Variants in ELP5 observed in about 807,000 individuals in gnomAD.
ELP5 encodes the protein elongator complex protein 5.
A neutral mutation model predicts 33.4 loss-of-function variants in ELP5; 34 were observed. That is an observed-to-expected ratio of 1.02 (90% CI 0.78 to 1.36). ELP5 has a LOEUF of 1.36. Among genes scored for constraint, ELP5 ranks in the 40% most tolerant of loss-of-function variants. The probability of loss-of-function intolerance (pLI) is 0.00; values close to 1 mark genes in which losing one functional copy is unlikely to be tolerated. For missense variants in ELP5, 373 were observed against 371.7 expected, an observed-to-expected ratio of 1.00 and a Z score of -0.03; for synonymous variants, 161 against 146.4, an observed-to-expected ratio of 1.10 and a Z score of -0.72.
In ELP5 at chr17:7,252,980, ACT is replaced by A. The variant is rs758823946; in HGVS notation, c.173_174del (p.Ser58Ter). The A allele has an allele frequency of 5.0e-6, 8 of 1,613,970 alleles. No homozygotes were observed. The Admixed American group carries it at 1.2e-4, about 24-fold the overall frequency. On this transcript the variant is annotated frameshift_variant, in exon 3 of 8. Transcript: ENST00000396628. LOFTEE classifies it high-confidence loss of function. ...GAGGAAGAGTTTCGTGAAGGTTTTG[ACT>A]CTGATATCAACAATCGGTAAGTACC...
Position 7,254,664 on chromosome 17 carries a change from C to T in ELP5, c.270C>T (p.Ala90=). Residue 90 remains alanine (A), a synonymous_variant, in exon 4 of 8, where the codon GCC becomes GCT. Transcript: ENST00000396628. The stretch of plus-strand genomic sequence containing the variant: ...CCTTTCCTGGGGGGCCGCTGGGAGC[C>T]TTGAGAGCCATGTGCAAGAGGACAG... ...EEAFPGGPLG[A]LRAMCKRTDP... 1 of 1,614,138 alleles carries T rather than the reference C, an allele frequency of 6.2e-7. No homozygotes were observed. The highest frequency in any genetic ancestry group is 8.5e-7 in the Non-Finnish European group (1 of 1,180,010).
chr17:7,258,976 G>A, intron 7 of ELP5, 50 bp downstream of exon 7: 1 of 1,612,300 alleles, frequency 6.2e-7, no homozygotes, highest in Non-Finnish European at 8.5e-7. Context: ...CCCAGCATCT[G>A]GGCCATGGAG....
chr17:7,254,939 GTTTTTTTTT>G (rs5819150), intron 4 of ELP5, 136 bp downstream of exon 4: 1 of 483,108 alleles, frequency 2.1e-6, no homozygotes, highest in African/African-American at 2.2e-5. Context: ...TTTTTTGTCT[GTTTTTTTTT>G]TTTTTTACTT....
At chr17:7,253,718 G>T (rs1353698409) in intron 3 of ELP5, among the ~76,000 whole-genome samples, 1 of 152,206 alleles carries the variant, frequency 6.6e-6, no homozygotes, top group Admixed American at 6.5e-5. Flanking sequence ...TTCCATGGCT[G>T]GGCGCGGTGG....
intron 4 of ELP5, among the ~76,000 whole-genome samples, chr17:7,256,175 A>C (rs1349631766): frequency 6.6e-6 from 1 of 151,658 alleles, no homozygotes; most frequent in East Asian, 1.9e-4. Context: ...AGATGCTGAA[A>C]CCCCGTCTCT....
intron 4 of ELP5, among the ~76,000 whole-genome samples, chr17:7,256,452 G>A (rs920795838): frequency 1.3e-5 from 2 of 152,242 alleles, no homozygotes; most frequent in Non-Finnish European, 2.9e-5. Context: ...GTTTAGCATA[G>A]TACCTGACAC....
chr17:7,254,906 A>C, intron 4 of ELP5, 103 bp downstream of exon 4: 1 of 900,548 alleles, frequency 1.1e-6, no homozygotes, highest in African/African-American at 1.8e-5. Flanking sequence ...TTCTCCAGTC[A>C]GACCTTTTTT....
rs1481639936 is a variant in ELP5 at position 7,256,874 on chromosome 17, G to A, written c.427G>A (p.Gly143Arg). 3.1e-6 allele frequency: 5 copies of A among 1,614,068 alleles called. No individual in the cohort carries two copies. In the African/African-American group the frequency reaches 4.0e-5, roughly 13 times the overall value. ...TCCTCTAGGTGACAGCTCCTCAGTG[G>A]GGAAAGTGAGTGTGCTGGGCTTGCT... ...DSCPGDSSSV[G>R]KVSVLGLLHE... Residue 143 changes from glycine (G) to arginine (R), a missense_variant, in exon 5 of 8, where the codon GGG becomes AGG. Coordinates refer to ENST00000396628, the MANE Select transcript of ELP5 (RefSeq NM_203414.3).
rs2072036741 is a variant in ELP5, at chr17:7,254,774, A to G, written c.380A>G (p.His127Arg). ...LPCTTLCQVLHAVSHQDSCPG... is the reference protein window; with the variant it reads ...LPCTTLCQVLRAVSHQDSCPG... ...TGCACCACACTCTGCCAGGTCCTGC[A>G]TGCTGTGAGCCATCAGGACTCTTGT... is the stretch of plus-strand genomic sequence containing the variant. The change falls in exon 4 of 8, where the codon CAT becomes CGT. Residue 127 changes from histidine to arginine, a missense_variant. Coordinates refer to ENST00000396628, the MANE Select transcript of ELP5 (RefSeq NM_203414.3). The G allele has an allele frequency of 1.9e-6, 3 of 1,614,146 alleles. No homozygotes were observed. The highest frequency in any genetic ancestry group is 1.6e-4 in the Middle Eastern group (1 of 6,062).
chr17:7,256,171 T>A (rs541851094), intron 4 of ELP5, among the ~76,000 whole-genome samples: 1 of 152,182 alleles, frequency 6.6e-6, no homozygotes, highest in South Asian at 2.1e-4. Context: ...GCCAAGATGC[T>A]GAAACCCCGT....
At chr17:7,257,803 C>T (rs1406860482) in intron 5 of ELP5, among the ~76,000 whole-genome samples, 1 of 152,216 alleles carries the variant, frequency 6.6e-6, no homozygotes, top group Non-Finnish European at 1.5e-5. Context: ...GGCGAGGTGG[C>T]TCAGGCCCAT....
rs914042235 is a variant in ELP5 at position 7,252,359 on chromosome 17, C to T, written c.-192C>T. The T allele has an allele frequency of 3.8e-6, 3 of 797,730 alleles. No homozygotes were observed. The highest frequency in any genetic ancestry group is 2.1e-5 in the Admixed American group (1 of 46,668). The allele number at this position is 797,730 out of a possible 1,614,324, so 49.4% of individuals were successfully genotyped here. On this transcript the variant is annotated 5_prime_UTR_variant, in exon 1 of 8. Transcript: ENST00000396628. ...GTCCGTACGACTGTGCGCCAGGGCTCGGGGAGGGGCGCCCTCCGCGTGAGC... is the reference window on the plus strand; with the variant it reads ...GTCCGTACGACTGTGCGCCAGGGCTTGGGGAGGGGCGCCCTCCGCGTGAGC...
rs761392539 is a variant in ELP5 at position 7,252,639 on chromosome 17, G to A, written c.46+43G>A. The A allele has an allele frequency of 5.6e-6, 9 of 1,603,904 alleles. No individual in the cohort carries two copies. In the East Asian group the frequency reaches 1.8e-4, roughly 32 times the overall value. ...GGTGGCGGGGCGGGGGGTGCGGTTC[G>A]GGCCTGGCTGAGGGGACGGAAGTGG... On this transcript the variant is annotated intron_variant, in intron 1 of 7. Transcript: ENST00000396628.
chr17:7,254,484 TA>T, intron 3 of ELP5, 98 bp from the exon 4 acceptor site: 1 of 839,474 alleles, frequency 1.2e-6, no homozygotes, highest in Non-Finnish European at 1.8e-6. Context: ...AGGATATTCA[TA>T]AAAATTGAGA....
Sources: gnomAD v4.1 joint callset for allele counts (sites outside exome capture counted in the v4.1 genomes callset) on GRCh38, gnomAD v4.1.1 for gene constraint, MANE v1.5 for transcripts, NCBI Gene and HGNC (gene_info 2026-07-23, HGNC 2026-07-21) for gene names.